ZNF382: variants seen among roughly 807,000 people sequenced by gnomAD.
ZNF382 encodes the protein KRAB/zinc finger suppressor protein 1.
In ZNF382, 20 loss-of-function variants were observed where a neutral mutation model predicts 38.8. The observed-to-expected ratio is 0.51, with a 90% CI of 0.36 to 0.75. The LOEUF is 0.75. Ranked by LOEUF, ZNF382 falls within the 30% of genes least tolerant of loss-of-function variation. The probability of loss-of-function intolerance (pLI) is 0.00; values close to 1 mark genes in which losing one functional copy is unlikely to be tolerated. For missense variants in ZNF382, 546 were observed against 654.1 expected (o/e 0.83, Z 1.80); for synonymous variants, 202 against 223.1 (o/e 0.91, Z 0.84).
chr19:36,607,688 T>C (rs1004894707), intron 2 of ZNF382, 66 bp downstream of exon 2: 43 of 1,429,690 alleles, frequency 3.0e-5, no homozygotes, highest in Non-Finnish European at 3.6e-5. Context: ...TGAGCTTCAC[T>C]GTCCTTTAAC....
chr19:36,626,209 C>A lies in ZNF382; in HGVS notation c.312C>A (p.Ile104=). The part of the protein sequence containing the change: ...QDRHSRPLIF[I]NHKKLIKERS... ...GGCATTCTAGACCCCTCATATTCAT[C>A]AACCACAAAAAACTAATTAAGGAGA... The change falls in exon 5 of 5, where the codon ATC becomes ATA. Residue 104 remains isoleucine, a synonymous_variant. Transcript: ENST00000292928. 6.2e-7 allele frequency: 1 copy of A among 1,601,546 alleles called. No individual in the cohort carries two copies.
Position 36,632,744 on chromosome 19 carries a change from T to G in ZNF382, c.*5194T>G, listed in dbSNP as rs1053970361. Reference sequence around the variant, plus strand: ...CTTTGCAGTCTGACTGTAAATCAGCTCCATCTTATAAACATGGTTCCTATA... The same window carrying G: ...CTTTGCAGTCTGACTGTAAATCAGCGCCATCTTATAAACATGGTTCCTATA... On this transcript the variant is annotated 3_prime_UTR_variant, in exon 5 of 5. Transcript: ENST00000292928. 2 of 152,196 alleles carry G rather than the reference T, an allele frequency of 1.3e-5. No individual in the cohort carries two copies. The highest frequency in any genetic ancestry group is 2.9e-5 in the Non-Finnish European group (2 of 68,050). 9.4% of individuals were successfully genotyped at this position (152,196 alleles called of 1,614,324 possible).
At chr19:36,616,717 G>A (rs1462833955) in intron 4 of ZNF382, among the ~76,000 whole-genome samples, 1 of 152,208 alleles carries the variant, frequency 6.6e-6, no homozygotes, top group African/African-American at 2.4e-5. Flanking sequence ...GAGCAACTGA[G>A]CTATCTGGAT....
In ZNF382 at chr19:36,626,181, A is replaced by T. The variant is rs756235240; in HGVS notation, c.284A>T (p.Asp95Val). The T allele has an allele frequency of 1.0e-5, 16 of 1,575,886 alleles. No individual in the cohort carries two copies. The highest frequency in any genetic ancestry group is 8.3e-5 in the South Asian group (7 of 84,102). ...DVLVKFKEYQ[D>V]RHSRPLIFIN... ...TTAGTGAAGTTCAAAGAATACCAAG[A>T]CAGGCATTCTAGACCCCTCATATTC... The change falls in exon 5 of 5, where the codon GAC (aspartate) becomes GTC (valine). Residue 95 changes from aspartate (D) to valine (V), a missense_variant. Transcript: ENST00000292928.
chr19:36,608,415 G>A (rs1304329118), intron 2 of ZNF382: 1 of 152,178 alleles, frequency 6.6e-6, no homozygotes, highest in African/African-American at 2.4e-5. Flanking sequence ...TGCGGGTGCA[G>A]GAGAAGGAAA....
At position 36,630,763 on chromosome 19, in the gene ZNF382, A is replaced by G. The variant is rs926303487; in HGVS notation, c.*3213A>G. Reference sequence around the variant, plus strand: ...GAATCCTGCTTGAAGATTTCTTTTGAAGAAATCAGAAATTTTCTTTGCATT... The same window carrying G: ...GAATCCTGCTTGAAGATTTCTTTTGGAGAAATCAGAAATTTTCTTTGCATT... On this transcript the variant is annotated 3_prime_UTR_variant, in exon 5 of 5. Coordinates refer to ENST00000292928, the MANE Select transcript of ZNF382 (RefSeq NM_032825.5). 3 of 152,068 alleles carry G rather than the reference A, an allele frequency of 2.0e-5. No homozygotes were observed. The highest frequency in any genetic ancestry group is 7.2e-5 in the African/African-American group (3 of 41,402). 9.4% of individuals were successfully genotyped at this position (152,068 alleles called of 1,614,324 possible). A position where few individuals can be genotyped will look rare whatever the true frequency, so the allele number is the denominator to read the frequency against.
chr19:36,625,542 T>C (rs546166854), intron 4 of ZNF382, among the ~76,000 whole-genome samples: 5 of 146,966 alleles, frequency 3.4e-5, no homozygotes, highest in Non-Finnish European at 7.4e-5. Context: ...TCTCTTCTGC[T>C]CACTTATCTT....
rs10669183 is a variant in ZNF382 at position 36,627,681 on chromosome 19, AACACAC to A, written c.*155_*160del. On this transcript the variant is annotated 3_prime_UTR_variant, in exon 5 of 5. Transcript: ENST00000292928. ...TAACCTACTGTTTGCCAGCCTGTAA[AACACAC>A]ACACACACACACACACACACACAAA... 449 of 532,796 alleles carry A rather than the reference AACACAC, an allele frequency of 8.4e-4. No homozygotes were observed. The highest frequency in any genetic ancestry group is 7.0e-3 in the African/African-American group (362 of 51,376). 33.0% of individuals were successfully genotyped at this position (532,796 alleles called of 1,614,324 possible).
Position 36,626,589 on chromosome 19 carries a change from C to T in ZNF382, c.692C>T (p.Thr231Ile), listed in dbSNP as rs146992886. Residue 231 changes from threonine to isoleucine, a missense_variant, in exon 5 of 5, where the codon ACT becomes ATT. Coordinates refer to ENST00000292928, the MANE Select transcript of ZNF382 (RefSeq NM_032825.5). ...ATGAAAGGAATGCTATTTACACATA[C>T]TAGAGCTCACAGAGGAGAAAGAACC... ...FLMKGMLFTH[T>I]RAHRGERTFE... 1 of 1,614,018 alleles carries T rather than the reference C, an allele frequency of 6.2e-7. No homozygotes were observed. Among genetic ancestry groups the T allele is most frequent in the African/African-American group, 1.3e-5 (1 of 74,912 alleles).
Position 36,623,160 on chromosome 19 carries a change from G to A in ZNF382, c.233-2970G>A, listed in dbSNP as rs73929124. ...TCCAGTAGTTATCTTATTGATTGTC[G>A]TGCCATGCAAGCGAAAATGTCTTTC... On this transcript the variant is annotated intron_variant, in intron 4 of 4. Transcript: ENST00000292928. Among the ~76,000 whole-genome samples the A allele has an allele frequency of 2.3e-3, 353 of 152,064 alleles. 2 individuals carry two copies. The highest frequency in any genetic ancestry group is 8.0e-3 in the African/African-American group (330 of 41,480).
chr19:36,617,376 T>G (rs2037133508), intron 4 of ZNF382, among the ~76,000 whole-genome samples: 1 of 152,088 alleles, frequency 6.6e-6, no homozygotes, highest in Non-Finnish European at 1.5e-5. Flanking sequence ...GGAATCAAAA[T>G]GTTGTACCAG....
chr19:36,617,666 G>A (rs2037136010), intron 4 of ZNF382, among the ~76,000 whole-genome samples: 2 of 152,188 alleles, frequency 1.3e-5, no homozygotes, highest in Admixed American at 1.3e-4. Flanking sequence ...ATACGATAAG[G>A]AAGAGAGGAA....
Position 36,627,212 on chromosome 19 carries a change from A to T in ZNF382, c.1315A>T (p.Asn439Tyr). 2 of 1,614,088 alleles carry T rather than the reference A, an allele frequency of 1.2e-6. No homozygotes were observed. Reference sequence around the variant, plus strand: ...CACAGGAGAGAAACCCTATATTTGCAATGAATGTGGGAAGTCCTTCTGCCA... The same window carrying T: ...CACAGGAGAGAAACCCTATATTTGCTATGAATGTGGGAAGTCCTTCTGCCA... ...THTGEKPYIC[N>Y]ECGKSFCQKT... Residue 439 changes from asparagine to tyrosine, a missense_variant, in exon 5 of 5, where the codon AAT becomes TAT. Coordinates refer to ENST00000292928, the MANE Select transcript of ZNF382 (RefSeq NM_032825.5).
At chr19:36,609,744 T>A in intron 2 of ZNF382, 158 bp from the exon 3 acceptor site, 1 of 672,588 alleles carries the variant, frequency 1.5e-6, no homozygotes. Context: ...GTGATCTCAG[T>A]ATGTTTAGCA....
At chr19:36,611,289 CA>C (rs538427894) in intron 4 of ZNF382, among the ~76,000 whole-genome samples, 22 of 148,560 alleles carry the variant, frequency 1.5e-4, no homozygotes, top group East Asian at 3.9e-4. Flanking sequence ...GACTCCATCT[CA>C]AAAAAAAAAT....
intron 4 of ZNF382, among the ~76,000 whole-genome samples, chr19:36,625,549 T>C (rs938393496): frequency 1.5e-5 from 2 of 130,604 alleles, no homozygotes; most frequent in Non-Finnish European, 3.3e-5. Context: ...TGCTCACTTA[T>C]CTTTTTTTTT....
At position 36,610,762 on chromosome 19, in the gene ZNF382, C is replaced by T. The variant is rs769631741; in HGVS notation, c.232+20C>T. On this transcript the variant is annotated intron_variant, in intron 4 of 4. Coordinates refer to ENST00000292928, the MANE Select transcript of ZNF382 (RefSeq NM_032825.5). ...ACCTAGGTGAGTCTATAAATGAAGT[C>T]TAGTGAACATTAAATGTCAAGTAGT... 1 of 1,557,786 alleles carries T rather than the reference C, an allele frequency of 6.4e-7. No homozygotes were observed. Among genetic ancestry groups the T allele is most frequent in the South Asian group, 1.1e-5 (1 of 87,022 alleles).
chr19:36,625,086 TTAAATATATATATATATATA>T (rs2037199443), intron 4 of ZNF382, among the ~76,000 whole-genome samples: 1 of 9,846 alleles, frequency 1.0e-4, no homozygotes, highest in Non-Finnish European at 2.1e-4. Context: ...AAAAATGAAT[TTAAATATATATATATATATA>T]TATATATATA....
At chr19:36,618,685 T>TG (rs201377563) in intron 4 of ZNF382, among the ~76,000 whole-genome samples, 3,790 of 124,942 alleles carry the variant, frequency 0.03, 151 homozygotes, top group African/African-American at 0.1. Context: ...TTCAAATAAG[T>TG]GGGTTTTTTT....
Sources: allele counts gnomAD v4.1 joint callset (sites outside exome capture counted in the v4.1 genomes callset), GRCh38; gene constraint gnomAD v4.1.1; transcripts MANE v1.5; gene names NCBI Gene and HGNC (gene_info 2026-07-23, HGNC 2026-07-21).